SP1: variants seen among roughly 807,000 people sequenced by gnomAD.
SP1 encodes transcription factor Sp1.
A neutral mutation model predicts 66.3 loss-of-function variants in SP1; 6 were observed. The observed-to-expected ratio is 0.09, with a 90% CI of 0.05 to 0.18. The LOEUF (loss-of-function observed/expected upper bound fraction) is 0.18. Ranked by LOEUF, SP1 falls within the 10% of genes least tolerant of loss-of-function variation. SP1 has a pLI of 1.00. For missense variants in SP1, 848 were observed against 964.5 expected, an observed-to-expected ratio of 0.88 and a Z score of 1.60; for synonymous variants, 417 against 360.8, an observed-to-expected ratio of 1.16 and a Z score of -1.77.
At chr12:53,388,366 A>G (rs1229044454) in intron 3 of SP1, among the ~76,000 whole-genome samples, 1 of 152,152 alleles carries the variant, frequency 6.6e-6, no homozygotes, top group Non-Finnish European at 1.5e-5. Context: ...TCTGCCATTT[A>G]ATATGTCATA....
chr12:53,387,947 C>T (rs1331624593), intron 3 of SP1, among the ~76,000 whole-genome samples: 1 of 151,838 alleles, frequency 6.6e-6, no homozygotes, highest in Admixed American at 6.6e-5. Context: ...GATTGTGCCA[C>T]TGCACTCCAG....
rs1351242480 is a variant in SP1 at position 53,383,383 on chromosome 12, C to G, written c.1436C>G (p.Ala479Gly). 1 of 1,614,226 alleles carries G rather than the reference C, an allele frequency of 6.2e-7. No individual in the cohort carries two copies. The highest frequency in any genetic ancestry group is 1.1e-5 in the South Asian group (1 of 91,084). Reference sequence around the variant, plus strand: ...AACCTCCAAGTTCAGAACCCACAAGCCCAAACAATCACCTTAGCCCCAATG... The same window carrying G: ...AACCTCCAAGTTCAGAACCCACAAGGCCAAACAATCACCTTAGCCCCAATG... ...LQNLQVQNPQ[A>G]QTITLAPMQG... The change falls in exon 3 of 6, where the codon GCC (alanine) becomes GGC (glycine). Residue 479 changes from alanine to glycine, a missense_variant. Physicochemically the swap from Ala to Gly is moderately conservative, Grantham distance 60. Transcript: ENST00000327443.
intron 3 of SP1, among the ~76,000 whole-genome samples, chr12:53,387,093 G>A (rs182526799): frequency 3.3e-5 from 5 of 152,048 alleles, no homozygotes; most frequent in African/African-American, 1.2e-4. Flanking sequence ...TGGGATTACA[G>A]GCACGTCCCA....
intron 3 of SP1, among the ~76,000 whole-genome samples, chr12:53,395,811 CA>C (rs372500453): frequency 0.023 from 2,488 of 110,524 alleles, 42 homozygotes; most frequent in African/African-American, 0.062. Flanking sequence ...ACCAAAAATA[CA>C]AAAAAAAAAA....
chr12:53,401,495 C>T (rs1267397190), intron 3 of SP1, among the ~76,000 whole-genome samples: 1 of 147,328 alleles, frequency 6.8e-6, no homozygotes, highest in Non-Finnish European at 1.5e-5. Context: ...ATGCTCTTAT[C>T]TATTTCATGC....
chr12:53,406,820 G>T, intron 4 of SP1, 67 bp downstream of exon 4: 1 of 1,372,232 alleles, frequency 7.3e-7, no homozygotes, highest in Non-Finnish European at 9.8e-7. Context: ...ATAAGAGGAA[G>T]AAGATTAATT....
chr12:53,408,082 A>G lies in SP1; in HGVS notation c.1845-1280A>G, dbSNP rs147064707. On this transcript the variant is annotated intron_variant, in intron 4 of 5. Transcript: ENST00000327443. ...GCCAACATGGTGAAACCCCATCTCT[A>G]CTAAAAGTACAAAAATTAACCGGCG... Among the ~76,000 whole-genome samples, 892 of 144,906 alleles carry G rather than the reference A, an allele frequency of 6.2e-3. 6 individuals are homozygous for G. The highest frequency in any genetic ancestry group is 0.021 in the African/African-American group (854 of 40,254).
chr12:53,385,324 G>T (rs1279241591), intron 3 of SP1, among the ~76,000 whole-genome samples: 4 of 151,040 alleles, frequency 2.6e-5, no homozygotes, highest in Non-Finnish European at 5.9e-5. Context: ...GGCCGGGCGC[G>T]GTGGCTCACG....
At chr12:53,382,052 C>A (rs759221761) in intron 2 of SP1, 58 bp from the exon 3 acceptor site, 45 of 1,516,828 alleles carry the variant, frequency 3.0e-5, no homozygotes, top group Non-Finnish European at 4.0e-5. Context: ...TGTATACTGC[C>A]CCCTAGGCTG....
At chr12:53,408,294 C>T (rs1181018630) in intron 4 of SP1, among the ~76,000 whole-genome samples, 2 of 145,408 alleles carry the variant, frequency 1.4e-5, no homozygotes, top group Non-Finnish European at 3.0e-5. Context: ...TGGAGTGCAA[C>T]GGCACGATCT....
intron 5 of SP1, 129 bp downstream of exon 5, chr12:53,409,690 T>C: frequency 1.2e-6 from 1 of 800,094 alleles, no homozygotes; most frequent in South Asian, 1.8e-5. Flanking sequence ...ACAAATGGAA[T>C]TGGAGTTAAT....
At chr12:53,387,651 A>G (rs1359222963) in intron 3 of SP1, among the ~76,000 whole-genome samples, 1 of 152,136 alleles carries the variant, frequency 6.6e-6, no homozygotes, top group African/African-American at 2.4e-5. Context: ...CTAGGGTGCA[A>G]CCTGTTTTAA....
intron 3 of SP1, among the ~76,000 whole-genome samples, chr12:53,393,592 C>CTT (rs35813851): frequency 2.2e-4 from 29 of 130,470 alleles, no homozygotes; most frequent in African/African-American, 6.3e-4. Context: ...CTGCATTTTC[C>CTT]TTTTTTTTTT....
intron 3 of SP1, among the ~76,000 whole-genome samples, chr12:53,406,013 T>C (rs945845054): frequency 6.7e-6 from 1 of 148,708 alleles, no homozygotes; most frequent in Non-Finnish European, 1.5e-5. Flanking sequence ...AAAAAACAAC[T>C]ATGAGATTTG....
At chr12:53,380,678 C>T (rs1418542504) in intron 1 of SP1, 2 of 988,476 alleles carry the variant, frequency 2.0e-6, no homozygotes, top group Non-Finnish European at 1.2e-6. Context: ...GCCTGGTCCG[C>T]CCTCTGGTCG....
intron 3 of SP1, among the ~76,000 whole-genome samples, chr12:53,392,017 A>C (rs937948817): frequency 3.9e-5 from 6 of 151,990 alleles, no homozygotes; most frequent in Non-Finnish European, 8.8e-5. Flanking sequence ...TCTGTGCTGT[A>C]ATTTGGATTT....
At chr12:53,407,615 C>T (rs950536645) in intron 4 of SP1, among the ~76,000 whole-genome samples, 1 of 146,920 alleles carries the variant, frequency 6.8e-6, no homozygotes, top group South Asian at 2.2e-4. Context: ...TGAGCCACTG[C>T]ACCTGGCCAA....
intron 3 of SP1, among the ~76,000 whole-genome samples, chr12:53,399,909 G>A (rs1271735577): frequency 6.6e-6 from 1 of 152,064 alleles, no homozygotes; most frequent in Non-Finnish European, 1.5e-5. Flanking sequence ...GGGATTACAG[G>A]CGTGAGCCAC....
chr12:53,384,158 A>G (rs1938174223), intron 3 of SP1, among the ~76,000 whole-genome samples: 1 of 151,258 alleles, frequency 6.6e-6, no homozygotes, highest in South Asian at 2.1e-4. Context: ...TTTAGTAGAG[A>G]CGGGGTTTCA....
Sources: allele counts gnomAD v4.1 joint callset (sites outside exome capture counted in the v4.1 genomes callset), GRCh38; gene constraint gnomAD v4.1.1; transcripts MANE v1.5; gene names NCBI Gene and HGNC (gene_info 2026-07-23, HGNC 2026-07-21).